Variants in ZNF385D observed in about 807,000 individuals in gnomAD.
ZNF385D encodes the protein zinc finger protein 385D.
Under a neutral mutation model 35.8 loss-of-function variants are expected in ZNF385D, and 15 were observed. The ratio of observed to expected loss-of-function variants is 0.42; its 90% CI spans 0.28 to 0.64. The LOEUF (loss-of-function observed/expected upper bound fraction) is 0.64. Ranked by LOEUF, ZNF385D falls within the 30% of genes least tolerant of loss-of-function variation. The pLI, the probability that ZNF385D is intolerant of heterozygous loss-of-function variation, is 0.23. For missense variants in ZNF385D, 474 were observed against 494.6 expected (o/e 0.96, Z 0.39); for synonymous variants, 212 against 186.8 (o/e 1.13, Z -1.10).
At chr3:21,543,633 G>C (rs1218283247) in intron 3 of ZNF385D, among the ~76,000 whole-genome samples, 1 of 152,168 alleles carries the variant, frequency 6.6e-6, no homozygotes, top group African/African-American at 2.4e-5. Context: ...AACTGGTGGA[G>C]GAAACAGTTG....
At position 21,709,400 on chromosome 3, in the gene ZNF385D, C is replaced by A. The variant is rs574671382; in HGVS notation, c.22+41495G>T. ...TTAGTCCCCATGAGTTTCCAGAAAC[C>A]CTCTCTAACCCTAAGGTGACTGACC... On this transcript the variant is annotated intron_variant, in intron 1 of 7. Transcript: ENST00000281523. Among the ~76,000 whole-genome samples the A allele has an allele frequency of 4.7e-4, 72 of 152,184 alleles. No homozygotes were observed. The South Asian group carries it at 0.014, about 30-fold the overall frequency.
chr3:22,003,492 C>T (rs1220792163), intron 3 of ZNF385D, among the ~76,000 whole-genome samples: 1 of 152,068 alleles, frequency 6.6e-6, no homozygotes, highest in African/African-American at 2.4e-5. Context: ...TTAAGAAAGA[C>T]CATAGTACCA....
At chr3:21,949,856 T>A (rs370622337) in intron 3 of ZNF385D, among the ~76,000 whole-genome samples, 1 of 152,134 alleles carries the variant, frequency 6.6e-6, no homozygotes, top group African/African-American at 2.4e-5. Context: ...CATTTCCAGC[T>A]TCATTAATGT....
intron 3 of ZNF385D, among the ~76,000 whole-genome samples, chr3:21,560,980 G>T (rs1243337354): frequency 6.6e-6 from 1 of 152,112 alleles, no homozygotes; most frequent in Non-Finnish European, 1.5e-5. Flanking sequence ...TTCAGCAATG[G>T]TGGACACCCC....
chr3:22,217,547 G>A (rs1697964830), intron 2 of ZNF385D, among the ~76,000 whole-genome samples: 1 of 152,140 alleles, frequency 6.6e-6, no homozygotes, highest in African/African-American at 2.4e-5. Flanking sequence ...ACTGGATGTT[G>A]GGACTTTAAC....
intron 2 of ZNF385D, among the ~76,000 whole-genome samples, chr3:22,200,314 AAG>A (rs1696698738): frequency 6.6e-6 from 1 of 152,044 alleles, no homozygotes; most frequent in Admixed American, 6.6e-5. Flanking sequence ...CAGAGTACAA[AAG>A]AGAGAAATTT....
chr3:21,886,031 A>G (rs544460779), intron 3 of ZNF385D, among the ~76,000 whole-genome samples: 5 of 152,248 alleles, frequency 3.3e-5, no homozygotes, highest in Admixed American at 6.6e-5. Flanking sequence ...CTTCTCAGAA[A>G]CATCCAGAAT....
chr3:21,587,659 C>T (rs139295551), intron 2 of ZNF385D, among the ~76,000 whole-genome samples: 278 of 152,150 alleles, frequency 1.8e-3, no homozygotes, highest in African/African-American at 6.3e-3. Context: ...AAAATGTGTT[C>T]AGTGTTGAGG....
intron 2 of ZNF385D, among the ~76,000 whole-genome samples, chr3:22,301,605 T>G (rs1214669612): frequency 6.6e-6 from 1 of 152,056 alleles, no homozygotes; most frequent in African/African-American, 2.4e-5. Flanking sequence ...GGTAAAAACG[T>G]TCAGACATAC....
chr3:22,292,716 G>C (rs944421104), intron 2 of ZNF385D, among the ~76,000 whole-genome samples: 3 of 152,000 alleles, frequency 2.0e-5, no homozygotes, highest in African/African-American at 7.2e-5. Context: ...TTTGTTTTCT[G>C]TATTTGATAG....
intron 3 of ZNF385D, among the ~76,000 whole-genome samples, chr3:21,981,580 T>A (rs1464725751): frequency 6.6e-6 from 1 of 152,126 alleles, no homozygotes; most frequent in East Asian, 1.9e-4. Context: ...GATCCCACAT[T>A]TCAACTTTTG....
At chr3:22,300,535 A>G (rs1174847472) in intron 2 of ZNF385D, among the ~76,000 whole-genome samples, 1 of 151,986 alleles carries the variant, frequency 6.6e-6, no homozygotes, top group Non-Finnish European at 1.5e-5. Flanking sequence ...TCTGCAAACT[A>G]TTCATCTGAA....
chr3:22,019,539 C>T (rs1327554236), intron 3 of ZNF385D, among the ~76,000 whole-genome samples: 1 of 151,832 alleles, frequency 6.6e-6, no homozygotes, highest in Non-Finnish European at 1.5e-5. Flanking sequence ...AATATAAGCA[C>T]ATATATATAC....
In ZNF385D at chr3:22,185,480, T is replaced by A. The variant is rs146878258; in HGVS notation, c.107-16445A>T. On this transcript the variant is annotated intron_variant, in intron 2 of 5. Transcript: ENST00000494108. ...CTACCCATTCAATGTTCACTTTTTCTTTCTTTTTGAGATGGAGTCTCACTC... is the reference window on the plus strand; with the variant it reads ...CTACCCATTCAATGTTCACTTTTTCATTCTTTTTGAGATGGAGTCTCACTC... Among the ~76,000 whole-genome samples, 1,218 of 152,268 alleles carry A rather than the reference T, an allele frequency of 8.0e-3. 15 individuals carry two copies. Among genetic ancestry groups the A allele is most frequent in the African/African-American group, 0.028 (1,158 of 41,554 alleles).
chr3:22,112,495 T>A (rs11921593), intron 3 of ZNF385D, among the ~76,000 whole-genome samples: 1 of 152,266 alleles, frequency 6.6e-6, no homozygotes, highest in South Asian at 2.1e-4. Flanking sequence ...TTCTTGTTGA[T>A]AAGCAAAATT....
At chr3:21,526,593 A>C (rs986311297) in intron 3 of ZNF385D, among the ~76,000 whole-genome samples, 1 of 152,192 alleles carries the variant, frequency 6.6e-6, no homozygotes, top group African/African-American at 2.4e-5. Flanking sequence ...AAGAGTGATA[A>C]GAGCTTCTGA....
chr3:21,499,888 A>G (rs1706235061), intron 4 of ZNF385D, among the ~76,000 whole-genome samples: 1 of 152,216 alleles, frequency 6.6e-6, no homozygotes, highest in Non-Finnish European at 1.5e-5. Flanking sequence ...GAAGAGTGGC[A>G]TAGACCCTAC....
chr3:21,889,692 T>A (rs1476313504), intron 3 of ZNF385D, among the ~76,000 whole-genome samples: 2 of 152,178 alleles, frequency 1.3e-5, no homozygotes, highest in Non-Finnish European at 2.9e-5. Context: ...GGATGAAGTA[T>A]GTTTCTCTGA....
intron 2 of ZNF385D, among the ~76,000 whole-genome samples, chr3:21,591,715 T>C (rs542293443): frequency 9.2e-5 from 14 of 152,250 alleles, no homozygotes; most frequent in African/African-American, 3.4e-4. Context: ...CTAAACTCAT[T>C]CACTCTGTCC....
Sources: allele counts gnomAD v4.1 joint callset (sites outside exome capture counted in the v4.1 genomes callset), GRCh38; gene constraint gnomAD v4.1.1; transcripts MANE v1.5; gene names NCBI Gene and HGNC (gene_info 2026-07-23, HGNC 2026-07-21).